The following FNDC3A variants were observed in gnomAD, a reference collection of about 807,000 sequenced individuals.
FNDC3A encodes fibronectin type-III domain-containing protein 3A.
FNDC3A carries 32 observed loss-of-function variants against 148.9 expected under a neutral mutation model. The ratio of observed to expected loss-of-function variants is 0.21; its 90% confidence interval spans 0.16 to 0.29. The LOEUF is 0.29. FNDC3A is among the 10% of genes least tolerant of loss of function. The pLI is 1.00. For missense variants in FNDC3A, 1,191 were observed against 1,452.8 expected, an observed-to-expected ratio of 0.82 and a Z score of 2.93; for synonymous variants, 472 against 473.6, an observed-to-expected ratio of 1.00 and a Z score of 0.04.
At chr13:49,107,431 G>A (rs1880269254) in intron 3 of FNDC3A, among the ~76,000 whole-genome samples, 1 of 152,178 alleles carries the variant, frequency 6.6e-6, no homozygotes, top group South Asian at 2.1e-4. Flanking sequence ...TATGGGCACA[G>A]ATGCAATGGT....
chr13:49,020,774 C>T (rs557121233), intron 2 of FNDC3A, among the ~76,000 whole-genome samples: 2 of 152,192 alleles, frequency 1.3e-5, no homozygotes, highest in African/African-American at 4.8e-5. Context: ...TTAGAAGTAG[C>T]TTTAATATTT....
intron 4 of FNDC3A, among the ~76,000 whole-genome samples, chr13:49,118,178 T>A (rs138306501): frequency 9.4e-4 from 143 of 152,290 alleles, no homozygotes; most frequent in African/African-American, 3.1e-3. Flanking sequence ...GACTTGATTC[T>A]TCCACAGAGG....
chr13:49,090,946 C>T (rs976828844), intron 3 of FNDC3A, among the ~76,000 whole-genome samples: 1 of 151,932 alleles, frequency 6.6e-6, no homozygotes, highest in African/African-American at 2.4e-5. Flanking sequence ...GTGAGCTATG[C>T]TTGTGCTGTT....
intron 7 of FNDC3A, among the ~76,000 whole-genome samples, chr13:49,139,255 A>G (rs1882556578): frequency 6.6e-6 from 1 of 152,130 alleles, no homozygotes; most frequent in South Asian, 2.1e-4. Flanking sequence ...AAGCATGGGG[A>G]GTTGGACAGA....
chr13:49,029,649 A>C (rs1873965845), intron 2 of FNDC3A, among the ~76,000 whole-genome samples: 1 of 152,222 alleles, frequency 6.6e-6, no homozygotes, highest in Non-Finnish European at 1.5e-5. Context: ...AGATCAACAA[A>C]ATTGCCAACC....
chr13:49,180,226 A>T (rs1305093093), intron 14 of FNDC3A, among the ~76,000 whole-genome samples: 1 of 152,192 alleles, frequency 6.6e-6, no homozygotes, highest in African/African-American at 2.4e-5. Flanking sequence ...TAAATTCAAC[A>T]TTTAAATTTT....
At chr13:49,005,420 CT>C (rs1213875100) in intron 1 of FNDC3A, among the ~76,000 whole-genome samples, 2 of 151,972 alleles carry the variant, frequency 1.3e-5, no homozygotes, top group South Asian at 2.1e-4. Flanking sequence ...ATATGATAGA[CT>C]AATATTGCTT....
At chr13:49,108,331 A>G (rs1191537274) in intron 3 of FNDC3A, among the ~76,000 whole-genome samples, 2 of 152,222 alleles carry the variant, frequency 1.3e-5, no homozygotes, top group Non-Finnish European at 1.5e-5. Flanking sequence ...TTGTATGCAC[A>G]TATGCCGTGA....
chr13:49,165,691 T>C (rs1031563290), intron 8 of FNDC3A, among the ~76,000 whole-genome samples: 2 of 152,106 alleles, frequency 1.3e-5, no homozygotes, highest in East Asian at 3.9e-4. Flanking sequence ...CAGCAGTGGG[T>C]CAGGCAGGTG....
At chr13:49,038,148 A>G (rs1395587877) in intron 2 of FNDC3A, among the ~76,000 whole-genome samples, 4 of 152,082 alleles carry the variant, frequency 2.6e-5, no homozygotes, top group African/African-American at 7.2e-5. Flanking sequence ...TCTCTGTGAC[A>G]CGTTCTGCCG....
At chr13:49,036,368 A>T (rs973224691) in intron 2 of FNDC3A, among the ~76,000 whole-genome samples, 5 of 152,232 alleles carry the variant, frequency 3.3e-5, no homozygotes, top group Admixed American at 6.5e-5. Flanking sequence ...TCAAGTGCTC[A>T]ATAGCCACAT....
chr13:49,015,954 C>A (rs1457550083), intron 2 of FNDC3A, among the ~76,000 whole-genome samples: 1 of 150,666 alleles, frequency 6.6e-6, no homozygotes, highest in Non-Finnish European at 1.5e-5. Context: ...GGATGAAGCC[C>A]ACTTGATCAT....
At chr13:49,019,811 A>T (rs1376292272) in intron 2 of FNDC3A, among the ~76,000 whole-genome samples, 2 of 152,146 alleles carry the variant, frequency 1.3e-5, no homozygotes, top group Admixed American at 1.3e-4. Context: ...TAATATCCTG[A>T]GTTGGTATCA....
intron 3 of FNDC3A, among the ~76,000 whole-genome samples, chr13:49,105,262 A>T (rs1286615691): frequency 6.6e-6 from 1 of 152,134 alleles, no homozygotes; most frequent in African/African-American, 2.4e-5. Flanking sequence ...AAATTAATAT[A>T]CTCGGGAAAA....
intron 2 of FNDC3A, among the ~76,000 whole-genome samples, chr13:49,048,937 A>G (rs1875623063): frequency 6.6e-6 from 1 of 152,098 alleles, no homozygotes; most frequent in African/African-American, 2.4e-5. Flanking sequence ...GTTCAGTATA[A>G]TGTTGGCTGT....
intron 8 of FNDC3A, among the ~76,000 whole-genome samples, chr13:49,158,796 A>G (rs551474830): frequency 6.6e-6 from 1 of 152,134 alleles, no homozygotes; most frequent in African/African-American, 2.4e-5. Flanking sequence ...TAATTTTTGT[A>G]TAAGGTGTAA....
chr13:48,982,625 C>T (rs1263797048), intron 1 of FNDC3A, among the ~76,000 whole-genome samples: 1 of 152,132 alleles, frequency 6.6e-6, no homozygotes, highest in Non-Finnish European at 1.5e-5. Flanking sequence ...GATCATTCCC[C>T]AGTTTTAGAA....
intron 1 of FNDC3A, among the ~76,000 whole-genome samples, chr13:48,986,920 T>C (rs183737622): frequency 7.3e-4 from 97 of 132,232 alleles, no homozygotes; most frequent in African/African-American, 2.0e-3. Context: ...GAAGGAAACA[T>C]GTTAATATGG....
intron 2 of FNDC3A, among the ~76,000 whole-genome samples, chr13:49,013,322 C>G (rs931469464): frequency 6.6e-6 from 1 of 151,828 alleles, no homozygotes; most frequent in Admixed American, 6.6e-5. Context: ...CTCATATTTT[C>G]AACATTTCTA....
Sources: allele counts gnomAD v4.1 joint callset (sites outside exome capture counted in the v4.1 genomes callset), GRCh38; gene constraint gnomAD v4.1.1; transcripts MANE v1.5; gene names NCBI Gene and HGNC (gene_info 2026-07-23, HGNC 2026-07-21).